Variants in TPD52 observed in about 807,000 individuals in gnomAD.
TPD52 encodes the protein prostate and colon associated protein.
TPD52 carries 17 observed loss-of-function variants against 31.3 expected under a neutral mutation model. The observed-to-expected ratio is 0.54, with a 90% CI of 0.37 to 0.82. The LOEUF (loss-of-function observed/expected upper bound fraction) is 0.82, where lower values mean the gene tolerates loss of function less well. TPD52 is among the 40% of genes least tolerant of loss of function. TPD52 has a pLI of 0.00. For missense variants in TPD52, 212 were observed against 240.1 expected (o/e 0.88, Z 0.77); for synonymous variants, 83 against 89.6 (o/e 0.93, Z 0.42).
intron 5 of TPD52, among the ~76,000 whole-genome samples, chr8:80,045,218 CT>C (rs1810724983): frequency 6.6e-6 from 1 of 152,132 alleles, no homozygotes; most frequent in African/African-American, 2.4e-5. Context: ...TTTGATAATT[CT>C]TTTCCTACTT....
At chr8:80,166,935 T>C (rs1348302257) in intron 1 of TPD52, among the ~76,000 whole-genome samples, 1 of 152,138 alleles carries the variant, frequency 6.6e-6, no homozygotes, top group Admixed American at 6.5e-5. Context: ...GTGATTTGTT[T>C]AAAGCATAGA....
At chr8:80,100,609 A>G (rs139731847) in intron 1 of TPD52, among the ~76,000 whole-genome samples, 1 of 152,358 alleles carries the variant, frequency 6.6e-6, no homozygotes, top group Non-Finnish European at 1.5e-5. Flanking sequence ...AAAGTTTATT[A>G]GGTCATTTGT....
intron 5 of TPD52, 80 bp from the exon 6 acceptor site, chr8:80,044,288 A>C: frequency 8.6e-7 from 1 of 1,166,472 alleles, no homozygotes; most frequent in South Asian, 1.5e-5. Flanking sequence ...GACAAAACTT[A>C]GCTCCCCAGG....
chr8:80,123,854 C>T (rs1423109657), intron 1 of TPD52, among the ~76,000 whole-genome samples: 1 of 152,142 alleles, frequency 6.6e-6, no homozygotes, highest in East Asian at 1.9e-4. Flanking sequence ...GAGAGTTCAA[C>T]ATCTGGAAAG....
intron 1 of TPD52, among the ~76,000 whole-genome samples, chr8:80,087,366 A>T (rs1815889662): frequency 6.6e-6 from 1 of 152,204 alleles, no homozygotes. Flanking sequence ...AAGGAACAAG[A>T]GCATGTCCTT....
At chr8:80,077,646 C>G (rs1046562193) in intron 1 of TPD52, among the ~76,000 whole-genome samples, 1 of 152,326 alleles carries the variant, frequency 6.6e-6, no homozygotes, top group Admixed American at 6.5e-5. Flanking sequence ...CTTAGCCTAA[C>G]TAAACTTTGT....
chr8:80,118,775 T>C (rs1361731257), intron 1 of TPD52, among the ~76,000 whole-genome samples: 1 of 152,172 alleles, frequency 6.6e-6, no homozygotes, highest in Non-Finnish European at 1.5e-5. Context: ...TAATAAGTGT[T>C]GGTGACGATC....
chr8:80,113,819 G>A lies in TPD52; in HGVS notation c.20-49226C>T, dbSNP rs181419774. 2.6e-4 allele frequency among the ~76,000 whole-genome samples: 39 copies of A among 152,286 alleles called. No homozygotes were observed. In the Middle Eastern group the frequency reaches 0.02, roughly 80 times the overall value. On this transcript the variant is annotated intron_variant, in intron 1 of 7. Coordinates refer to ENST00000518937, the MANE Select transcript of TPD52 (RefSeq NM_001025253.3). ...TTAAATGTTCACAACACAAAGAAAT[G>A]ATAAATGTTTGTGGTGAAGAATATG...
At chr8:80,059,707 A>G (rs1404864895) in intron 2 of TPD52, among the ~76,000 whole-genome samples, 3 of 152,042 alleles carry the variant, frequency 2.0e-5, no homozygotes, top group African/African-American at 4.8e-5. Context: ...TACAAAAATT[A>G]GCTGGGAGTG....
chr8:80,157,678 T>C (rs1367398583), intron 1 of TPD52, among the ~76,000 whole-genome samples: 1 of 152,230 alleles, frequency 6.6e-6, no homozygotes, highest in African/African-American at 2.4e-5. Flanking sequence ...GTTAAAATTC[T>C]AAAATCACAG....
chr8:80,079,435 T>C (rs1016912046), intron 1 of TPD52, among the ~76,000 whole-genome samples: 1 of 152,248 alleles, frequency 6.6e-6, no homozygotes, highest in Non-Finnish European at 1.5e-5. Context: ...ACATCCCTAC[T>C]GTCGGCAAAT....
chr8:80,151,943 A>G (rs894599002), intron 1 of TPD52, among the ~76,000 whole-genome samples: 2 of 152,234 alleles, frequency 1.3e-5, no homozygotes, highest in African/African-American at 4.8e-5. Context: ...AGTTAAAAGC[A>G]AGACAATGTT....
Position 80,164,898 on chromosome 8 carries a change from C to CAAAAAAAAAAAAAAAA in TPD52, c.19+6511_19+6526dup, listed in dbSNP as rs34027501. On this transcript the variant is annotated intron_variant, in intron 1 of 7. Coordinates refer to ENST00000518937, the MANE Select transcript of TPD52 (RefSeq NM_001025253.3). ...TGGGTGGCAGAGGGAGACAATGTCT[C>CAAAAAAAAAAAAAAAA]AAAAAAAAAAAAAAAAAAAAAAAAA... 1.3e-4 allele frequency among the ~76,000 whole-genome samples: 4 copies of CAAAAAAAAAAAAAAAA among 31,904 alleles called. 1 individual carries two copies. Among genetic ancestry groups the CAAAAAAAAAAAAAAAA allele is most frequent in the African/African-American group, 3.3e-4 (3 of 9,002 alleles). The allele number at this position is 31,904 out of a possible 152,430, so 20.9% of individuals were successfully genotyped here.
At chr8:80,085,970 G>T (rs114090404) in intron 1 of TPD52, among the ~76,000 whole-genome samples, 1 of 152,080 alleles carries the variant, frequency 6.6e-6, no homozygotes, top group Admixed American at 6.5e-5. Flanking sequence ...GTGAGAGGCA[G>T]ATGGACCGCT....
At chr8:80,123,081 T>C (rs1238516863) in intron 1 of TPD52, 1 of 152,430 alleles carries the variant, frequency 6.6e-6, no homozygotes, top group African/African-American at 2.4e-5. Context: ...ACCAGCTGAC[T>C]TGAGACAAGG....
chr8:80,071,800 A>G (rs1186421212), intron 1 of TPD52, among the ~76,000 whole-genome samples: 1 of 151,982 alleles, frequency 6.6e-6, no homozygotes, highest in East Asian at 1.9e-4. Context: ...AACCTGCCCC[A>G]ACAAAGAGCT....
At chr8:80,101,346 G>A (rs1390942235) in intron 1 of TPD52, among the ~76,000 whole-genome samples, 1 of 151,516 alleles carries the variant, frequency 6.6e-6, no homozygotes, top group Non-Finnish European at 1.5e-5. Context: ...TACCCGGGAG[G>A]CTGAGGCAGG....
At chr8:80,114,485 A>G (rs191910770) in intron 1 of TPD52, among the ~76,000 whole-genome samples, 1 of 152,134 alleles carries the variant, frequency 6.6e-6, no homozygotes, top group Non-Finnish European at 1.5e-5. Flanking sequence ...ACAGTGCCTG[A>G]CACACATAAA....
At position 80,171,022 on chromosome 8, in the gene TPD52, T is replaced by C. The variant is rs1292366046; in HGVS notation, c.19+403A>G. On this transcript the variant is annotated intron_variant, in intron 1 of 7. Transcript: ENST00000518937. ...ATGAGGGAGAGAGGGGTTTCCCACCTGGAGGGACGAGAGCGACTCACTGTC... is the reference window on the plus strand; with the variant it reads ...ATGAGGGAGAGAGGGGTTTCCCACCCGGAGGGACGAGAGCGACTCACTGTC... The C allele has an allele frequency of 2.2e-5, 10 of 457,392 alleles. No individual in the cohort carries two copies. In the East Asian group the frequency reaches 4.6e-4, roughly 21 times the overall value. 28.3% of individuals were successfully genotyped at this position (457,392 alleles called of 1,614,324 possible). A position where few individuals can be genotyped will look rare whatever the true frequency, so the allele number is the denominator to read the frequency against.
Sources: allele counts gnomAD v4.1 joint callset (sites outside exome capture counted in the v4.1 genomes callset), GRCh38; gene constraint gnomAD v4.1.1; transcripts MANE v1.5; gene names NCBI Gene and HGNC (gene_info 2026-07-23, HGNC 2026-07-21).